POPDC1: variants seen among roughly 807,000 people sequenced by gnomAD.
POPDC1 encodes popeye domain cAMP effector 1, also known as popeye domain-containing protein 1.
chr6:105,113,406 C>T, the POPDC1 span, among the ~76,000 whole-genome samples: 1 of 152,338 alleles, frequency 6.6e-6, no homozygotes, highest in Middle Eastern at 3.4e-3. Flanking sequence ...TGCTGTTTCT[C>T]ACTAGGCCCT....
the POPDC1 span, among the ~76,000 whole-genome samples, chr6:105,121,919 G>A: frequency 6.6e-6 from 1 of 152,202 alleles, no homozygotes; most frequent in South Asian, 2.1e-4. Flanking sequence ...ACTGGTCAGA[G>A]TTAGGGAAAG....
At chr6:105,133,379 T>C in the POPDC1 span, 30 of 1,613,406 alleles carry the variant, frequency 1.9e-5, no homozygotes, top group Non-Finnish European at 2.4e-5. Flanking sequence ...CTAAGAAATA[T>C]CATATGAAGG....
chr6:105,129,512 G>C, the POPDC1 span: 3 of 1,601,810 alleles, frequency 1.9e-6, no homozygotes, highest in African/African-American at 2.7e-5. Flanking sequence ...TCCTGTTGAA[G>C]AGCAAAGTTA....
chr6:105,118,385 C>A, the POPDC1 span, among the ~76,000 whole-genome samples: 1 of 152,146 alleles, frequency 6.6e-6, no homozygotes, highest in Non-Finnish European at 1.5e-5. Context: ...TTTATTATAT[C>A]AAAAGTAGGA....
the POPDC1 span, among the ~76,000 whole-genome samples, chr6:105,108,427 G>A: frequency 6.6e-6 from 1 of 152,176 alleles, no homozygotes; most frequent in Non-Finnish European, 1.5e-5. Context: ...AGAAATGCCC[G>A]TAGAAACAAT....
At chr6:105,123,177 T>C in the POPDC1 span, among the ~76,000 whole-genome samples, 1 of 152,174 alleles carries the variant, frequency 6.6e-6, no homozygotes, top group East Asian at 1.9e-4. Context: ...TTCGTTTCCA[T>C]TTCTTACCTA....
At chr6:105,132,592 CTT>C in the POPDC1 span, among the ~76,000 whole-genome samples, 1 of 152,206 alleles carries the variant, frequency 6.6e-6, no homozygotes, top group African/African-American at 2.4e-5. Flanking sequence ...CTTCCTCAGT[CTT>C]TGTCTGGACA....
the POPDC1 span, chr6:105,133,489 T>C: frequency 2.0e-5 from 33 of 1,613,832 alleles, no homozygotes; most frequent in Admixed American, 5.3e-4. Context: ...AGTGGTCTTA[T>C]TGGAAGGCAC....
At chr6:105,101,898 C>A in the POPDC1 span, among the ~76,000 whole-genome samples, 1 of 152,182 alleles carries the variant, frequency 6.6e-6, no homozygotes, top group East Asian at 1.9e-4. Flanking sequence ...CATGCATTCA[C>A]CAAATGGTTA....
chr6:105,124,492 T>C, the POPDC1 span: 1 of 1,266,442 alleles, frequency 7.9e-7, no homozygotes, highest in Non-Finnish European at 1.2e-6. Context: ...TCCTTTGGAT[T>C]CTGAATGAGA....
At chr6:105,098,255 C>G in the POPDC1 span, 1 of 152,104 alleles carries the variant, frequency 6.6e-6, no homozygotes, top group African/African-American at 2.4e-5. Flanking sequence ...CATAGGAGAT[C>G]TTACACTTAA....
the POPDC1 span, among the ~76,000 whole-genome samples, chr6:105,102,046 T>G: frequency 1.1e-4 from 16 of 152,280 alleles, no homozygotes; most frequent in African/African-American, 3.8e-4. Context: ...ACTCCCCTCC[T>G]TACAGTCACC....
the POPDC1 span, among the ~76,000 whole-genome samples, chr6:105,110,768 A>T: frequency 6.6e-6 from 1 of 152,040 alleles, no homozygotes; most frequent in Non-Finnish European, 1.5e-5. Context: ...ACTGCAGCCT[A>T]GATCTCCCAG....
chr6:105,122,023 C>T, the POPDC1 span, among the ~76,000 whole-genome samples: 5 of 152,180 alleles, frequency 3.3e-5, no homozygotes, highest in African/African-American at 1.2e-4. Context: ...GAGAAGTTGG[C>T]TCTGGGAGAA....
chr6:105,121,285 A>G, the POPDC1 span, among the ~76,000 whole-genome samples: 1 of 146,450 alleles, frequency 6.8e-6, no homozygotes, highest in Non-Finnish European at 1.5e-5. Context: ...TTTTTTTTTG[A>G]GATGGAGTCT....
chr6:105,132,848 C>T, the POPDC1 span, among the ~76,000 whole-genome samples: 1 of 152,182 alleles, frequency 6.6e-6, no homozygotes, highest in Non-Finnish European at 1.5e-5. Context: ...CAGCAAATAT[C>T]TTTTCAAGTA....
At chr6:105,130,169 TAC>T in the POPDC1 span, among the ~76,000 whole-genome samples, 2 of 152,216 alleles carry the variant, frequency 1.3e-5, no homozygotes, top group African/African-American at 4.8e-5. Flanking sequence ...AGAGTTTTCA[TAC>T]AGTTTTACCT....
the POPDC1 span, chr6:105,124,609 A>T: frequency 6.2e-7 from 1 of 1,612,946 alleles, no homozygotes; most frequent in Middle Eastern, 1.7e-4. Context: ...ATAAAGGCAC[A>T]GGGGTAAATG....
At chr6:105,110,405 CCT>C in the POPDC1 span, among the ~76,000 whole-genome samples, 88 of 152,296 alleles carry the variant, frequency 5.8e-4, 1 homozygote, top group South Asian at 6.0e-3. Flanking sequence ...CATCTTTCTA[CCT>C]CTCTGTACAA....
Sources: allele counts gnomAD v4.1 joint callset (sites outside exome capture counted in the v4.1 genomes callset), GRCh38; gene constraint gnomAD v4.1.1; transcripts MANE v1.5; gene names NCBI Gene and HGNC (gene_info 2026-07-23, HGNC 2026-07-21).